MON1B: variants seen among roughly 807,000 people sequenced by gnomAD.
MON1B encodes MON1 vesicular trafficking associated B, also known as vacuolar fusion protein MON1 homolog B.
Under a neutral mutation model 45.1 loss-of-function variants are expected in MON1B, and 26 were observed. The ratio of observed to expected loss-of-function variants is 0.58; its 90% CI spans 0.42 to 0.80. The LOEUF (loss-of-function observed/expected upper bound fraction) is 0.80, where lower values mean the gene tolerates loss of function less well. Ranked by LOEUF, MON1B falls within the 30% of genes least tolerant of loss-of-function variation. MON1B has a pLI of 0.00. For missense variants in MON1B, 737 were observed against 754.5 expected, an observed-to-expected ratio of 0.98 and a Z score of 0.27; for synonymous variants, 395 against 320.2, an observed-to-expected ratio of 1.23 and a Z score of -2.49.
Position 77,201,805 on chromosome 16 carries a change from T to G in MON1B, c.*3497T>G, listed in dbSNP as rs1331424184. Reference sequence around the variant, plus strand: ...AATGTATTAAATTATAAGTTCTAATTTAAATGTATTAAAATTAAATTATAA... The same window carrying G: ...AATGTATTAAATTATAAGTTCTAATGTAAATGTATTAAAATTAAATTATAA... On this transcript the variant is annotated 3_prime_UTR_variant, in exon 6 of 6. Transcript: ENST00000248248. The G allele has an allele frequency of 6.6e-6, 1 of 152,112 alleles. No homozygotes were observed. The highest frequency in any genetic ancestry group is 1.5e-5 in the Non-Finnish European group (1 of 68,024). The allele number at this position is 152,112 out of a possible 1,614,324, so 9.4% of individuals were successfully genotyped here.
Position 77,194,889 on chromosome 16 carries a change from G to T in MON1B, c.1030G>T (p.Asp344Tyr), listed in dbSNP as rs1418249641. The change falls in exon 4 of 6, where the codon GAT becomes TAT. Residue 344 changes from aspartate (D) to tyrosine (Y), a missense_variant. By Grantham distance (160) the Asp-to-Tyr change is radical (BLOSUM62 -3). Coordinates refer to ENST00000248248, the MANE Select transcript of MON1B (RefSeq NM_014940.4). The surrounding 1 kb of genome is among the most constrained non-coding windows in gnomAD (Gnocchi z 8.1). ...GFFYAYVARL[D>Y]AMPVCLLLLG... ...TTTCTACGCCTACGTGGCCCGCCTG[G>T]ATGCTATGCCTGTCTGCCTGCTGCT... The T allele has an allele frequency of 6.2e-7, 1 of 1,612,752 alleles. No individual in the cohort carries two copies. The highest frequency in any genetic ancestry group is 8.5e-7 in the Non-Finnish European group (1 of 1,180,020).
chr16:77,195,716 C>G (rs1208218677), intron 5 of MON1B, 34 bp downstream of exon 5: 7 of 1,610,314 alleles, frequency 4.3e-6, no homozygotes, highest in Admixed American at 1.7e-5. Context: ...GAATTAATTC[C>G]CCACTTCAAG....
chr16:77,194,529 G>A lies in MON1B; in HGVS notation c.670G>A (p.Gly224Ser). Residue 224 changes from glycine (G) to serine (S), a missense_variant, in exon 4 of 6, where the codon GGT becomes AGT. Physicochemically the swap from Gly to Ser is moderately conservative, Grantham distance 56 (BLOSUM62 0). Coordinates refer to ENST00000248248, the MANE Select transcript of MON1B (RefSeq NM_014940.4). The surrounding 1 kb of genome is among the most constrained non-coding windows in gnomAD (Gnocchi z 8.1). ...CTATGACCTCCGCCGCCTGCTGGCT[G>A]GTTCAGAGCGCACACTGGACCGACT... Reference protein sequence around the residue: ...QNYDLRRLLAGSERTLDRLLD... With the variant: ...QNYDLRRLLASSERTLDRLLD... 4 of 1,614,042 alleles carry A rather than the reference G, an allele frequency of 2.5e-6. No homozygotes were observed. Among genetic ancestry groups the A allele is most frequent in the Non-Finnish European group, 3.4e-6 (4 of 1,180,030 alleles).
In MON1B at chr16:77,199,278, T is replaced by A. The variant is rs375185057; in HGVS notation, c.*970T>A. 4.2e-5 allele frequency: 26 copies of A among 617,096 alleles called. No homozygotes were observed. Among genetic ancestry groups the A allele is most frequent in the Non-Finnish European group, 1.2e-5 (4 of 343,740 alleles). The allele number at this position is 617,096 out of a possible 1,614,324, so 38.2% of individuals were successfully genotyped here. ...TACAGCCTCAAGGTTGTAGCATGTG[T>A]GCTGGCAATCAGGGCCGCAGTGTGT... is the stretch of plus-strand genomic sequence containing the variant. On this transcript the variant is annotated 3_prime_UTR_variant, in exon 6 of 6. Transcript: ENST00000248248.
intron 5 of MON1B, among the ~76,000 whole-genome samples, chr16:77,197,413 A>T (rs1365579421): frequency 6.6e-6 from 1 of 152,176 alleles, no homozygotes; most frequent in African/African-American, 2.4e-5. Flanking sequence ...AAAAAACAAA[A>T]ACAAACAAAA....
Position 77,191,781 on chromosome 16 carries a change from G to A in MON1B, c.148+148G>A, listed in dbSNP as rs2054617540. 8.2e-6 allele frequency: 7 copies of A among 855,564 alleles called. No homozygotes were observed. In the South Asian group the frequency reaches 1.2e-4, roughly 14 times the overall value. 53.0% of individuals were successfully genotyped at this position (855,564 alleles called of 1,614,324 possible). A position where few individuals can be genotyped will look rare whatever the true frequency, so the allele number is the denominator to read the frequency against. ...CGCCGGGTCAGGAGGAGGTCACTGTGGACACATGGTGTAGTTTACATCATT... is the reference window on the plus strand; with the variant it reads ...CGCCGGGTCAGGAGGAGGTCACTGTAGACACATGGTGTAGTTTACATCATT... On this transcript the variant is annotated intron_variant, in intron 2 of 5. Coordinates refer to ENST00000248248, the MANE Select transcript of MON1B (RefSeq NM_014940.4).
chr16:77,193,557 C>G lies in MON1B; in HGVS notation c.255C>G (p.Pro85=), dbSNP rs775985227. Residue 85 remains proline, a synonymous_variant, in exon 3 of 6, where the codon CCC becomes CCG. Coordinates refer to ENST00000248248, the MANE Select transcript of MON1B (RefSeq NM_014940.4). This position sits in a 1 kb window ranked among gnomAD's most constrained non-coding sequence, Gnocchi z 5.0. ...GTCCTGCAGCCCCTGAGAATAGTCC[C>G]ACATGTAGCCCTGAGAGTAGCTCTG... ...LWSPAAPENS[P]TCSPESSSGG... 6.2e-7 allele frequency: 1 copy of G among 1,613,986 alleles called. No homozygotes were observed. The highest frequency in any genetic ancestry group is 2.2e-5 in the East Asian group (1 of 44,868).
rs2054646343 is a variant in MON1B, at chr16:77,194,664, A to C, written c.805A>C (p.Thr269Pro). ...DALGALLRRC[T>P]APGLALSVLA... The stretch of plus-strand genomic sequence containing the variant: ...ACTAGGTGCGCTCCTCCGACGTTGC[A>C]CAGCGCCTGGCCTGGCGCTGTCAGT... The change falls in exon 4 of 6, where the codon ACA (threonine) becomes CCA (proline). Residue 269 changes from threonine (T) to proline (P), a missense_variant. Transcript: ENST00000248248. This position sits in a 1 kb window ranked among gnomAD's most constrained non-coding sequence, Gnocchi z 8.1. 1 of 1,613,848 alleles carries C rather than the reference A, an allele frequency of 6.2e-7. No homozygotes were observed.
In MON1B at chr16:77,194,243, G is replaced by C. The variant is rs775239471; in HGVS notation, c.476-92G>C. 1.0e-5 allele frequency: 12 copies of C among 1,158,772 alleles called. No homozygotes were observed. Among genetic ancestry groups the C allele is most frequent in the Non-Finnish European group, 1.5e-5 (12 of 779,358 alleles). The allele number at this position is 1,158,772 out of a possible 1,614,324, so 71.8% of individuals were successfully genotyped here. A position where few individuals can be genotyped will look rare whatever the true frequency, so the allele number is the denominator to read the frequency against. On this transcript the variant is annotated intron_variant, in intron 3 of 5. Coordinates refer to ENST00000248248, the MANE Select transcript of MON1B (RefSeq NM_014940.4). The surrounding 1 kb of genome is among the most constrained non-coding windows in gnomAD (Gnocchi z 8.1). ...GCATGTGGACTCGGGCCTGGTGTGT[G>C]TATGGTAGGAGAGGGCAGAAGAGCC...
At position 77,191,203 on chromosome 16, in the gene MON1B, C is replaced by T. The variant is rs1224822651; in HGVS notation, c.-66C>T. ...GGCCGCACCCGGAAGTGTGATGCCA[C>T]CGCCGCTACGGGGAAGTAATGGTAT... On this transcript the variant is annotated 5_prime_UTR_variant, in exon 1 of 6. Transcript: ENST00000248248. 3.3e-6 allele frequency: 5 copies of T among 1,535,996 alleles called. No individual in the cohort carries two copies. Among genetic ancestry groups the T allele is most frequent in the Admixed American group, 3.9e-5 (2 of 50,980 alleles).
At chr16:77,191,389 G>A in intron 1 of MON1B, 87 bp from the exon 2 acceptor site, 3 of 1,586,194 alleles carry the variant, frequency 1.9e-6, no homozygotes, top group Non-Finnish European at 2.6e-6. Context: ...ATGAGCAGTA[G>A]GAGTGTGTCC....
In MON1B at chr16:77,193,826, G is replaced by C; in HGVS notation, c.475+49G>C. On this transcript the variant is annotated intron_variant, in intron 3 of 5. Coordinates refer to ENST00000248248, the MANE Select transcript of MON1B (RefSeq NM_014940.4). This position sits in a 1 kb window ranked among gnomAD's most constrained non-coding sequence, Gnocchi z 5.0. Reference sequence around the variant, plus strand: ...AATGGGGGACAGTGACTGGGAATATGGCTGGCACGGGTAGGTCTGTCTGCC... The same window carrying C: ...AATGGGGGACAGTGACTGGGAATATCGCTGGCACGGGTAGGTCTGTCTGCC... 2 of 1,551,218 alleles carry C rather than the reference G, an allele frequency of 1.3e-6. No individual in the cohort carries two copies. Among genetic ancestry groups the C allele is most frequent in the Non-Finnish European group, 1.7e-6 (2 of 1,143,644 alleles).
rs565926399 is a variant in MON1B, at chr16:77,195,051, C to T, written c.1192C>T (p.Pro398Ser). 2.5e-6 allele frequency: 4 copies of T among 1,610,834 alleles called. No homozygotes were observed. In the African/African-American group the frequency reaches 4.0e-5, roughly 16 times the overall value. Residue 398 changes from proline (P) to serine (S), a missense_variant, in exon 4 of 6, where the codon CCT becomes TCT. Transcript: ENST00000248248. The stretch of plus-strand genomic sequence containing the variant: ...CTCTAATGCCTCATCAGCCAGTGCT[C>T]CTGCCTACAGCGTGCAGGCTGTCGG... Reference protein sequence around the residue: ...SFSNASSASAPAYSVQAVGAP... With the variant: ...SFSNASSASASAYSVQAVGAP...
In MON1B at chr16:77,200,291, T is replaced by TATATATATATATATATATACAC; in HGVS notation, c.*1984_*1985insTATATATATATATATATACACA. 8.4e-3 allele frequency: 934 copies of TATATATATATATATATATACAC among 111,088 alleles called. 23 individuals carry two copies. Among genetic ancestry groups the TATATATATATATATATATACAC allele is most frequent in the African/African-American group, 0.029 (848 of 29,522 alleles). 6.9% of individuals were successfully genotyped at this position (111,088 alleles called of 1,614,324 possible). On this transcript the variant is annotated 3_prime_UTR_variant, in exon 6 of 6. Transcript: ENST00000248248. ...ATATATGTGTATATATATATATATA[T>TATATATATATATATATATACAC]ACACACACTAATCAGCCGGGCGCGG...
Position 77,194,447 on chromosome 16 carries a change from G to A in MON1B, c.588G>A (p.Gln196=), listed in dbSNP as rs2054643298. The A allele has an allele frequency of 1.2e-6, 2 of 1,614,064 alleles. No individual in the cohort carries two copies. Among genetic ancestry groups the A allele is most frequent in the East Asian group, 2.2e-5 (1 of 44,854 alleles). ...LRGELLAVHA[Q]IVSTLTRASV... ...GGGAGCTGCTAGCTGTGCACGCACA[G>A]ATCGTGAGCACACTTACACGTGCAA... The change falls in exon 4 of 6, where the codon CAG becomes CAA. Residue 196 remains glutamine, a synonymous_variant. Transcript: ENST00000248248. This position sits in a 1 kb window ranked among gnomAD's most constrained non-coding sequence, Gnocchi z 8.1.
Position 77,194,516 on chromosome 16 carries a change from C to T in MON1B, c.657C>T (p.Arg219=). 6.2e-7 allele frequency: 1 copy of T among 1,614,108 alleles called. No homozygotes were observed. The highest frequency in any genetic ancestry group is 8.5e-7 in the Non-Finnish European group (1 of 1,180,044). The change falls in exon 4 of 6, where the codon CGC becomes CGT. Residue 219 remains arginine (R), a synonymous_variant. Transcript: ENST00000248248. This position sits in a 1 kb window ranked among gnomAD's most constrained non-coding sequence, Gnocchi z 8.1. Reference sequence around the variant, plus strand: ...CACACAAGCAGAACTATGACCTCCGCCGCCTGCTGGCTGGTTCAGAGCGCA... The same window carrying T: ...CACACAAGCAGAACTATGACCTCCGTCGCCTGCTGGCTGGTTCAGAGCGCA... ...IFAHKQNYDL[R]RLLAGSERTL...
Position 77,191,489 on chromosome 16 carries a change from G to A in MON1B, c.4G>A (p.Glu2Lys). 6.2e-7 allele frequency: 1 copy of A among 1,600,986 alleles called. No individual in the cohort carries two copies. The highest frequency in any genetic ancestry group is 8.5e-7 in the Non-Finnish European group (1 of 1,175,924). The change falls in exon 2 of 6, where the codon GAG (glutamate) becomes AAG (lysine). Residue 2 changes from glutamate (E) to lysine (K), a missense_variant. Glu to Lys is a moderately conservative substitution (Grantham distance 56). Transcript: ENST00000248248. MEVGGDTAAPAP... is the reference protein window; with the variant it reads MKVGGDTAAPAP... The stretch of plus-strand genomic sequence containing the variant: ...CCTCCCACTCAGGGATGTGCAGATG[G>A]AGGTCGGAGGAGACACTGCTGCCCC...
Position 77,199,261 on chromosome 16 carries a change from C to G in MON1B, c.*953C>G. The stretch of plus-strand genomic sequence containing the variant: ...GCCCTTGTTTGTGGAGTTACAGCCT[C>G]AAGGTTGTAGCATGTGTGCTGGCAA... On this transcript the variant is annotated 3_prime_UTR_variant, in exon 6 of 6. Transcript: ENST00000248248. 1 of 589,788 alleles carries G rather than the reference C, an allele frequency of 1.7e-6. No individual in the cohort carries two copies. The highest frequency in any genetic ancestry group is 4.6e-4 in the Middle Eastern group (1 of 2,158). The allele number at this position is 589,788 out of a possible 1,614,324, so 36.5% of individuals were successfully genotyped here.
chr16:77,194,732 A>G lies in MON1B; in HGVS notation c.873A>G (p.Arg291=), dbSNP rs2232503. Residue 291 remains arginine, a synonymous_variant, in exon 4 of 6, where the codon CGA becomes CGG. Transcript: ENST00000248248. This position sits in a 1 kb window ranked among gnomAD's most constrained non-coding sequence, Gnocchi z 8.1. ...GACTTATAACAGCAGCCCAGGAGCG[A>G]AATGTGCTGGCCGAGTGCCGGCTGG... ...GGRLITAAQE[R]NVLAECRLDP... 1 allele frequency: 1,611,140 copies of G among 1,613,882 alleles called. 804,242 individuals carry two copies. The highest frequency in any genetic ancestry group is 1 in the East Asian group (44,834 of 44,834).
Sources: gnomAD v4.1 joint callset for allele counts (sites outside exome capture counted in the v4.1 genomes callset) on GRCh38, gnomAD v4.1.1 for gene constraint, Gnocchi (gnomAD v3.1) non-coding constraint, MANE v1.5 for transcripts, NCBI Gene and HGNC (gene_info 2026-07-23, HGNC 2026-07-21) for gene names.